Variants in SULF1 observed in about 807,000 individuals in gnomAD.
SULF1 encodes sulfatase 1.
A neutral mutation model predicts 110.5 loss-of-function variants in SULF1; 46 were observed. The observed-to-expected ratio is 0.42, with a 90% CI of 0.33 to 0.53. SULF1 has a LOEUF of 0.53. Among genes scored for constraint, SULF1 ranks in the 20% least tolerant of loss-of-function variants. SULF1 has a pLI of 0.12. For missense variants in SULF1, 941 were observed against 1,094.2 expected (o/e 0.86, Z 1.98); for synonymous variants, 371 against 387.1 (o/e 0.96, Z 0.49).
At chr8:69,612,536 T>C (rs1032857434) in intron 13 of SULF1, among the ~76,000 whole-genome samples, 1 of 95,930 alleles carries the variant, frequency 1.0e-5, no homozygotes, top group African/African-American at 4.3e-5. Context: ...GACTTTTTAT[T>C]ATAGCCATGC....
upstream of SULF1, chr8:69,492,628 GT>G (rs1810002884): frequency 1.3e-5 from 2 of 152,226 alleles, no homozygotes; most frequent in Non-Finnish European, 2.9e-5. Context: ...CTGCAGCGCA[GT>G]TTGTTTGCCG....
At chr8:69,478,393 G>A (rs527243719) in intron 1 of SULF1, among the ~76,000 whole-genome samples, 47 of 152,204 alleles carry the variant, frequency 3.1e-4, no homozygotes, top group African/African-American at 1.1e-3. Context: ...TAAATGACCA[G>A]CAATTAAGAA....
At chr8:69,501,053 T>C (rs982066659) in intron 2 of SULF1, among the ~76,000 whole-genome samples, 2 of 152,144 alleles carry the variant, frequency 1.3e-5, no homozygotes, top group Non-Finnish European at 2.9e-5. Flanking sequence ...GATCCCCCCA[T>C]ATGTATACGA....
intron 19 of SULF1, among the ~76,000 whole-genome samples, chr8:69,634,203 G>A (rs776677237): frequency 2.6e-5 from 4 of 151,852 alleles, no homozygotes; most frequent in Admixed American, 6.6e-5. Context: ...CCTTCATATC[G>A]TTTCCTATAA....
chr8:69,589,430 C>G (rs530434502), intron 8 of SULF1, among the ~76,000 whole-genome samples: 2 of 152,316 alleles, frequency 1.3e-5, no homozygotes, highest in Non-Finnish European at 2.9e-5. Context: ...ACAAGAGTTT[C>G]CTTTCGTTGT....
At chr8:69,502,248 ATAT>A (rs1290723352) in intron 3 of SULF1, among the ~76,000 whole-genome samples, 35 of 152,308 alleles carry the variant, frequency 2.3e-4, no homozygotes, top group African/African-American at 7.9e-4. Context: ...GACTATTGAC[ATAT>A]TATGAGCTGC....
intron 3 of SULF1, among the ~76,000 whole-genome samples, chr8:69,560,028 A>G (rs146095881): frequency 2.0e-5 from 3 of 152,334 alleles, no homozygotes; most frequent in African/African-American, 7.2e-5. Context: ...GAAAGCAAAT[A>G]ATGTGTCAGT....
chr8:69,612,339 A>G (rs958259152), intron 13 of SULF1, among the ~76,000 whole-genome samples: 1 of 152,086 alleles, frequency 6.6e-6, no homozygotes, highest in African/African-American at 2.4e-5. Context: ...TTTTCATATA[A>G]TGACTTCTTT....
chr8:69,638,667 T>A, intron 20 of SULF1, 23 bp downstream of exon 20: 1 of 1,612,084 alleles, frequency 6.2e-7, no homozygotes, highest in Admixed American at 1.7e-5. Context: ...ATGTTCATTT[T>A]ATGAAGGTTG....
intron 5 of SULF1, among the ~76,000 whole-genome samples, chr8:69,574,844 CCT>C (rs1379894014): frequency 6.6e-6 from 1 of 152,212 alleles, no homozygotes; most frequent in Non-Finnish European, 1.5e-5. Flanking sequence ...TAGAAACCCT[CCT>C]CCTGTTCTCA....
chr8:69,508,306 T>G (rs1563480003), intron 3 of SULF1, among the ~76,000 whole-genome samples: 1 of 152,158 alleles, frequency 6.6e-6, no homozygotes, highest in Non-Finnish European at 1.5e-5. Context: ...GGTTTCTCCA[T>G]GTTTATCAAG....
chr8:69,593,604 TAGCTTTACAAACGGATGGTAG>T (rs1807066008), intron 8 of SULF1, among the ~76,000 whole-genome samples: 1 of 152,174 alleles, frequency 6.6e-6, no homozygotes, highest in Non-Finnish European at 1.5e-5. Context: ...ATTGGCCTGT[TAGCTTTACAAACGGATGGTAG>T]AGCTTATGCT....
chr8:69,656,206 G>C (rs1812716396), intron 22 of SULF1, among the ~76,000 whole-genome samples: 1 of 152,182 alleles, frequency 6.6e-6, no homozygotes, highest in African/African-American at 2.4e-5. Flanking sequence ...ACACAGCACT[G>C]GTGTGTTGTG....
At chr8:69,620,808 A>AT (rs1809537344) in intron 13 of SULF1, among the ~76,000 whole-genome samples, 2 of 152,166 alleles carry the variant, frequency 1.3e-5, no homozygotes, top group Non-Finnish European at 2.9e-5. Flanking sequence ...AGGTAGTTTG[A>AT]TTTCCAATGA....
chr8:69,523,216 T>C (rs1390374916), intron 3 of SULF1, among the ~76,000 whole-genome samples: 1 of 152,164 alleles, frequency 6.6e-6, no homozygotes, highest in Non-Finnish European at 1.5e-5. Context: ...TCTACTCCGA[T>C]AGAAGAACAT....
chr8:69,475,973 C>T (rs1006939845), intron 1 of SULF1, among the ~76,000 whole-genome samples: 9 of 152,078 alleles, frequency 5.9e-5, no homozygotes, highest in East Asian at 3.9e-4. Flanking sequence ...GGGGAAGTTA[C>T]GGATATTCGA....
At chr8:69,489,885 G>C (rs1458061885), upstream of SULF1, among the ~76,000 whole-genome samples, 1 of 151,934 alleles carries the variant, frequency 6.6e-6, no homozygotes, top group Non-Finnish European at 1.5e-5. Context: ...GACACACACA[G>C]GTCAGGGAAA....
intron 2 of SULF1, among the ~76,000 whole-genome samples, chr8:69,496,282 A>C (rs2150563114): frequency 6.6e-6 from 1 of 152,364 alleles, no homozygotes; most frequent in South Asian, 2.1e-4. Flanking sequence ...CACATTTAAA[A>C]ACAGATTTAA....
intron 1 of SULF1, among the ~76,000 whole-genome samples, chr8:69,467,990 A>G (rs1037289991): frequency 7.0e-6 from 1 of 143,844 alleles, no homozygotes; most frequent in South Asian, 2.3e-4. Context: ...TTATAGTATT[A>G]AAAAAAAGGC....
Sources: gnomAD v4.1 joint callset for allele counts (sites outside exome capture counted in the v4.1 genomes callset) on GRCh38, gnomAD v4.1.1 for gene constraint, MANE v1.5 for transcripts, NCBI Gene and HGNC (gene_info 2026-07-23, HGNC 2026-07-21) for gene names.